ADAMTS6: variants seen among roughly 807,000 people sequenced by gnomAD.
ADAMTS6 encodes ADAM metallopeptidase with thrombospondin type 1 motif 6.
Under a neutral mutation model 144.3 loss-of-function variants are expected in ADAMTS6, and 23 were observed. The observed-to-expected ratio is 0.16, with a 90% confidence interval of 0.11 to 0.23. The LOEUF (loss-of-function observed/expected upper bound fraction) is 0.23, where lower values mean the gene tolerates loss of function less well. Ranked by LOEUF, ADAMTS6 falls within the 10% of genes least tolerant of loss-of-function variation. The pLI is 1.00. For missense variants in ADAMTS6, 999 were observed against 1,379.6 expected, an observed-to-expected ratio of 0.72 and a Z score of 4.37; for synonymous variants, 444 against 457.5, an observed-to-expected ratio of 0.97 and a Z score of 0.38.
rs574915023 is a variant in ADAMTS6, at chr5:65,461,442, T to C, written c.463-1104A>G. On this transcript the variant is annotated intron_variant, in intron 3 of 24. Transcript: ENST00000381055. ...TGTAATAGGTATAAATAGAACTTTGTTGATGAAAAATGAGATGGTAAAAGT... is the reference window on the plus strand; with the variant it reads ...TGTAATAGGTATAAATAGAACTTTGCTGATGAAAAATGAGATGGTAAAAGT... 1.1e-4 allele frequency among the ~76,000 whole-genome samples: 16 copies of C among 152,352 alleles called. No homozygotes were observed. In the South Asian group the frequency reaches 3.1e-3, roughly 30 times the overall value.
At chr5:65,170,861 C>T (rs1579950635) in intron 23 of ADAMTS6, 88 bp from the exon 24 acceptor site, 2 of 1,393,408 alleles carry the variant, frequency 1.4e-6, no homozygotes, top group South Asian at 1.4e-5. Flanking sequence ...AAATACAACA[C>T]AATATGAACT....
At chr5:65,387,561 C>T (rs1403823250) in intron 7 of ADAMTS6, among the ~76,000 whole-genome samples, 1 of 152,140 alleles carries the variant, frequency 6.6e-6, no homozygotes, top group Non-Finnish European at 1.5e-5. Context: ...TACAACAAGA[C>T]ACTGGATTGC....
At chr5:65,251,655 A>C (rs1346871417) in intron 14 of ADAMTS6, 2 of 152,240 alleles carry the variant, frequency 1.3e-5, no homozygotes, top group Non-Finnish European at 1.5e-5. Flanking sequence ...GTGATGCAGG[A>C]AACCAACTGC....
chr5:65,409,769 T>A (rs1378340214), intron 7 of ADAMTS6, among the ~76,000 whole-genome samples: 1 of 152,154 alleles, frequency 6.6e-6, no homozygotes, highest in African/African-American at 2.4e-5. Context: ...GCAAACTGAA[T>A]CCAGCAGCAC....
chr5:65,216,650 G>A (rs961427542), intron 18 of ADAMTS6, among the ~76,000 whole-genome samples: 3 of 151,956 alleles, frequency 2.0e-5, no homozygotes, highest in Admixed American at 1.3e-4. Context: ...ATCTTAAAAT[G>A]TCAGGAGAAA....
intron 8 of ADAMTS6, among the ~76,000 whole-genome samples, chr5:65,329,826 G>C (rs1399764863): frequency 6.6e-6 from 1 of 152,000 alleles, no homozygotes; most frequent in African/African-American, 2.4e-5. Flanking sequence ...GCTGTAGAAA[G>C]CAAAATATAT....
At chr5:65,238,360 T>C (rs1405007980) in intron 15 of ADAMTS6, among the ~76,000 whole-genome samples, 4 of 152,106 alleles carry the variant, frequency 2.6e-5, no homozygotes, top group African/African-American at 9.7e-5. Flanking sequence ...TCCAACACTT[T>C]GGGAGGTCGA....
chr5:65,336,486 G>C (rs747297872), intron 7 of ADAMTS6, among the ~76,000 whole-genome samples: 1 of 152,014 alleles, frequency 6.6e-6, no homozygotes, highest in South Asian at 2.1e-4. Context: ...CACAAGCTTT[G>C]CAGGATGTAT....
chr5:65,260,713 C>T, intron 13 of ADAMTS6, 50 bp from the exon 14 acceptor site: 2 of 1,405,576 alleles, frequency 1.4e-6, no homozygotes, highest in East Asian at 4.6e-5. Context: ...TCTGTCCATA[C>T]AAAGAGTATA....
chr5:65,304,969 G>A (rs1418427384), intron 9 of ADAMTS6, among the ~76,000 whole-genome samples: 1 of 151,856 alleles, frequency 6.6e-6, no homozygotes, highest in Non-Finnish European at 1.5e-5. Context: ...TGAAATTGGA[G>A]TATGAACTGT....
At chr5:65,252,486 C>T (rs902519907) in intron 14 of ADAMTS6, among the ~76,000 whole-genome samples, 10 of 151,858 alleles carry the variant, frequency 6.6e-5, no homozygotes, top group African/African-American at 2.4e-4. Context: ...CATGATCCAC[C>T]TGCCTTGGCC....
intron 7 of ADAMTS6, among the ~76,000 whole-genome samples, chr5:65,425,767 C>CTT (rs1249283280): frequency 1.4e-5 from 2 of 143,986 alleles, no homozygotes; most frequent in East Asian, 2.0e-4. Context: ...AGTGCTGCTT[C>CTT]TTTTTTTTTT....
At chr5:65,234,806 C>T (rs1758546256) in intron 15 of ADAMTS6, among the ~76,000 whole-genome samples, 1 of 152,126 alleles carries the variant, frequency 6.6e-6, no homozygotes, top group Admixed American at 6.5e-5. Context: ...TACCTACACT[C>T]CCATGTTCAT....
intron 12 of ADAMTS6, among the ~76,000 whole-genome samples, chr5:65,271,751 C>T (rs1762073299): frequency 6.6e-6 from 1 of 152,094 alleles, no homozygotes; most frequent in African/African-American, 2.4e-5. Flanking sequence ...GTGACTCTCC[C>T]TCTTTATGGT....
intron 10 of ADAMTS6, among the ~76,000 whole-genome samples, chr5:65,296,677 A>G (rs1742869346): frequency 6.6e-6 from 1 of 152,116 alleles, no homozygotes; most frequent in Non-Finnish European, 1.5e-5. Context: ...ATCTTATATC[A>G]GTTCTCTTGT....
chr5:65,160,348 C>T (rs1470614606), intron 24 of ADAMTS6, among the ~76,000 whole-genome samples: 4 of 151,644 alleles, frequency 2.6e-5, no homozygotes, highest in Non-Finnish European at 4.4e-5. Context: ...GCTCTGTCGC[C>T]CAGGCTGGAG....
At chr5:65,343,053 A>G (rs1440103971) in intron 7 of ADAMTS6, among the ~76,000 whole-genome samples, 2 of 152,148 alleles carry the variant, frequency 1.3e-5, no homozygotes, top group Non-Finnish European at 2.9e-5. Flanking sequence ...TGAAGAGGAC[A>G]CAAACCAATG....
chr5:65,329,392 A>G lies in ADAMTS6; in HGVS notation c.1209T>C (p.His403=). The G allele has an allele frequency of 1.2e-6, 2 of 1,609,472 alleles. No individual in the cohort carries two copies. Among genetic ancestry groups the G allele is most frequent in the African/African-American group, 2.7e-5 (2 of 74,810 alleles). Residue 403 remains histidine (H), a synonymous_variant, in exon 9 of 25, where the codon CAT becomes CAC. Transcript: ENST00000381055. ...AACTCACTCACTTGTGACCAATCTC[A>G]TGTGCAATGGTAAAAGCTGAACCCA... ...IGLGSAFTIA[H]EIGHNFGMNH... is the part of the protein sequence containing the mutation.
intron 9 of ADAMTS6, among the ~76,000 whole-genome samples, chr5:65,317,504 A>C (rs930849935): frequency 2.0e-5 from 3 of 152,208 alleles, no homozygotes; most frequent in African/African-American, 7.2e-5. Context: ...CTGGGCAAAA[A>C]TTTACTGAGT....
Sources: allele counts gnomAD v4.1 joint callset (sites outside exome capture counted in the v4.1 genomes callset), GRCh38; gene constraint gnomAD v4.1.1; transcripts MANE v1.5; gene names NCBI Gene and HGNC (gene_info 2026-07-23, HGNC 2026-07-21).